NXPH2: variants seen among roughly 807,000 people sequenced by gnomAD.
The protein encoded by NXPH2 is neurexophilin 2.
Under a neutral mutation model 19.8 loss-of-function variants are expected in NXPH2, and 5 were observed. The observed-to-expected ratio is 0.25, with a 90% CI of 0.13 to 0.53. The LOEUF is 0.53. Ranked by LOEUF, NXPH2 falls within the 20% of genes least tolerant of loss-of-function variation. NXPH2 has a pLI of 0.96. For synonymous variants in NXPH2, 154 were observed against 127.4 expected, an observed-to-expected ratio of 1.21 and a Z score of -1.41; for missense variants, 289 against 322.8, an observed-to-expected ratio of 0.90 and a Z score of 0.80.
intron 1 of NXPH2, among the ~76,000 whole-genome samples, chr2:138,677,348 T>C (rs1479317429): frequency 6.6e-6 from 1 of 152,190 alleles, no homozygotes; most frequent in Non-Finnish European, 1.5e-5. Context: ...ATTCCTTGAT[T>C]TCAACACATT....
intron 1 of NXPH2, among the ~76,000 whole-genome samples, chr2:138,740,285 A>G (rs1681622108): frequency 2.0e-5 from 3 of 152,198 alleles, no homozygotes; most frequent in African/African-American, 7.2e-5. Flanking sequence ...TGAAAAAAAG[A>G]GTTAACAACA....
chr2:138,739,371 A>G (rs1485086809), intron 1 of NXPH2, among the ~76,000 whole-genome samples: 2 of 152,224 alleles, frequency 1.3e-5, no homozygotes, highest in Non-Finnish European at 2.9e-5. Flanking sequence ...ACACACATTC[A>G]GAAGAGGGAG....
intron 1 of NXPH2, among the ~76,000 whole-genome samples, chr2:138,772,454 G>A (rs1386958646): frequency 2.0e-5 from 3 of 152,148 alleles, no homozygotes; most frequent in Admixed American, 6.5e-5. Context: ...GCGCCACCAC[G>A]CCTGGCTAAT....
chr2:138,693,445 G>A (rs1680773402), intron 1 of NXPH2, among the ~76,000 whole-genome samples: 1 of 152,146 alleles, frequency 6.6e-6, no homozygotes, highest in African/African-American at 2.4e-5. Context: ...GACAGATGAT[G>A]AGAATGAAGA....
intron 1 of NXPH2, among the ~76,000 whole-genome samples, chr2:138,763,271 A>T (rs1462066576): frequency 6.6e-6 from 1 of 152,136 alleles, no homozygotes; most frequent in Non-Finnish European, 1.5e-5. Context: ...CAAAATCAGA[A>T]ATTTTGATCA....
At chr2:138,721,381 C>T (rs1681277287) in intron 1 of NXPH2, among the ~76,000 whole-genome samples, 1 of 150,708 alleles carries the variant, frequency 6.6e-6, no homozygotes, top group South Asian at 2.1e-4. Context: ...GCTGAGCCAG[C>T]CAGAAGACTG....
At chr2:138,775,951 G>A (rs1682254576) in intron 1 of NXPH2, among the ~76,000 whole-genome samples, 1 of 152,134 alleles carries the variant, frequency 6.6e-6, no homozygotes, top group South Asian at 2.1e-4. Flanking sequence ...GCACTTGAGT[G>A]TGCAGCTATA....
intron 1 of NXPH2, 55 bp downstream of exon 1, chr2:138,780,136 T>C: frequency 6.9e-7 from 1 of 1,459,444 alleles, no homozygotes; most frequent in Non-Finnish European, 9.0e-7. Flanking sequence ...CTGCGCGGTT[T>C]TCCCGCCGAA....
Position 138,780,206 on chromosome 2 carries a change from A to G in NXPH2, c.36T>C (p.Pro12=). The G allele has an allele frequency of 6.7e-7, 1 of 1,484,120 alleles. No homozygotes were observed. The highest frequency in any genetic ancestry group is 8.9e-7 in the Non-Finnish European group (1 of 1,125,592). 91.9% of individuals were successfully genotyped at this position (1,484,120 alleles called of 1,614,324 possible). Reference sequence around the variant, plus strand: ...GGGCACTCACCAGCTGCAGCAAGCCAGGGACCACCACGAGGGGCAGCGGCC... The same window carrying G: ...GGGCACTCACCAGCTGCAGCAAGCCGGGGACCACCACGAGGGGCAGCGGCC... The part of the protein sequence containing the change: ...RLRPLPLVVV[P]GLLQLLFCDS... Residue 12 remains proline, a synonymous_variant, in exon 1 of 2, where the codon CCT becomes CCC. Coordinates refer to ENST00000272641, the MANE Select transcript of NXPH2 (RefSeq NM_007226.3).
At position 138,730,017 on chromosome 2, in the gene NXPH2, G is replaced by T. The variant is rs529764285; in HGVS notation, c.51+50174C>A. ...GTCAGTAAGTTTGGTTTCTTCTGAG[G>T]CCTCTCTCCTTGGCTTGCAGATGGC... is the stretch of plus-strand genomic sequence containing the variant. On this transcript the variant is annotated intron_variant, in intron 1 of 1. Transcript: ENST00000272641. 2.0e-5 allele frequency among the ~76,000 whole-genome samples: 3 copies of T among 152,146 alleles called. No homozygotes were observed. In the South Asian group the frequency reaches 6.2e-4, roughly 32 times the overall value.
intron 1 of NXPH2, among the ~76,000 whole-genome samples, chr2:138,679,354 A>G (rs938430839): frequency 1.3e-5 from 2 of 151,458 alleles, no homozygotes; most frequent in African/African-American, 4.9e-5. Context: ...ATTAGCACAT[A>G]TTGACTCTTC....
intron 1 of NXPH2, among the ~76,000 whole-genome samples, chr2:138,713,319 A>G (rs1294604874): frequency 6.6e-6 from 1 of 152,208 alleles, no homozygotes; most frequent in Admixed American, 6.5e-5. Flanking sequence ...TTGTTGACCC[A>G]AACGGTCTGA....
chr2:138,738,483 A>G (rs1681587905), intron 1 of NXPH2, among the ~76,000 whole-genome samples: 1 of 152,182 alleles, frequency 6.6e-6, no homozygotes. Context: ...TATTACATCA[A>G]TCCATTAGGA....
intron 1 of NXPH2, among the ~76,000 whole-genome samples, chr2:138,739,101 C>T (rs917509546): frequency 3.9e-4 from 60 of 152,172 alleles, no homozygotes; most frequent in African/African-American, 1.3e-3. Flanking sequence ...ATTGCTTCCA[C>T]GGGAAATGTT....
intron 1 of NXPH2, among the ~76,000 whole-genome samples, chr2:138,738,498 A>T (rs946550673): frequency 1.3e-5 from 2 of 152,190 alleles, no homozygotes; most frequent in African/African-American, 4.8e-5. Flanking sequence ...TTAGGATAAA[A>T]GATTTAAAGC....
At chr2:138,683,411 T>C (rs1680605619) in intron 1 of NXPH2, among the ~76,000 whole-genome samples, 1 of 152,200 alleles carries the variant, frequency 6.6e-6, no homozygotes, top group Non-Finnish European at 1.5e-5. Flanking sequence ...AACAGTCAAG[T>C]GAGGAATAGT....
intron 1 of NXPH2, among the ~76,000 whole-genome samples, chr2:138,774,863 A>G (rs1189483840): frequency 6.6e-6 from 1 of 152,236 alleles, no homozygotes; most frequent in East Asian, 1.9e-4. Context: ...TCTTCCCAAA[A>G]CATGAATGGA....
chr2:138,742,421 T>C (rs1160026244), intron 1 of NXPH2, among the ~76,000 whole-genome samples: 1 of 152,200 alleles, frequency 6.6e-6, no homozygotes, highest in Admixed American at 6.5e-5. Context: ...AAAAAATAGA[T>C]TGCTTTTGAC....
At chr2:138,712,106 C>T (rs1057139797) in intron 1 of NXPH2, among the ~76,000 whole-genome samples, 5 of 152,118 alleles carry the variant, frequency 3.3e-5, no homozygotes, top group Admixed American at 1.3e-4. Context: ...AGAACTGCCT[C>T]TCAGGAATAA....
Sources: gnomAD v4.1 joint callset for allele counts (sites outside exome capture counted in the v4.1 genomes callset) on GRCh38, gnomAD v4.1.1 for gene constraint, MANE v1.5 for transcripts, NCBI Gene and HGNC (gene_info 2026-07-23, HGNC 2026-07-21) for gene names.